The following CBFA2T2 variants were observed in gnomAD, a reference collection of about 807,000 sequenced individuals.
The protein encoded by CBFA2T2 is protein CBFA2T2.
In CBFA2T2, 11 loss-of-function variants were observed where a neutral mutation model predicts 62.2. The observed-to-expected ratio is 0.18, with a 90% CI of 0.11 to 0.29. The LOEUF is 0.29. Among genes scored for constraint, CBFA2T2 ranks in the 10% least tolerant of loss-of-function variants. The pLI is 1.00. For synonymous variants in CBFA2T2, 295 were observed against 287.5 expected (o/e 1.03, Z -0.27); for missense variants, 592 against 774.1 (o/e 0.76, Z 2.79).
intron 2 of CBFA2T2, among the ~76,000 whole-genome samples, chr20:33,609,468 C>T (rs989068868): frequency 6.6e-6 from 1 of 152,016 alleles, no homozygotes; most frequent in African/African-American, 2.4e-5. Flanking sequence ...AACCACTGCA[C>T]TCCAGCCTGG....
chr20:33,572,559 C>T (rs1160526983), intron 1 of CBFA2T2, among the ~76,000 whole-genome samples: 1 of 152,086 alleles, frequency 6.6e-6, no homozygotes, highest in East Asian at 1.9e-4. Context: ...GAGCTGTGTG[C>T]TGAATAACAA....
intron 1 of CBFA2T2, among the ~76,000 whole-genome samples, chr20:33,490,614 A>G (rs751127328): frequency 6.6e-6 from 1 of 152,180 alleles, no homozygotes; most frequent in African/African-American, 2.4e-5. Flanking sequence ...TTGTTGTCCC[A>G]GCGCTGGGGC....
At chr20:33,507,718 A>C (rs2011428271) in intron 1 of CBFA2T2, among the ~76,000 whole-genome samples, 1 of 151,998 alleles carries the variant, frequency 6.6e-6, no homozygotes, top group South Asian at 2.1e-4. Context: ...TTTCCCCCCT[A>C]CTGCTGATGG....
chr20:33,574,394 G>A lies in CBFA2T2; in HGVS notation c.35-32562G>A, dbSNP rs1038784766. On this transcript the variant is annotated intron_variant, in intron 1 of 10. Coordinates refer to ENST00000342704, the MANE Select transcript of CBFA2T2 (RefSeq NM_001032999.3). The stretch of plus-strand genomic sequence containing the variant: ...TAATCCCAGCACTTTGGGAGGCCAA[G>A]GCGGGTGGATCACCTGAGGTTGGGA... 5 of 679,230 alleles carry A rather than the reference G, an allele frequency of 7.4e-6. No individual in the cohort carries two copies. In the African/African-American group the frequency reaches 7.4e-5, roughly 10 times the overall value. 42.1% of individuals were successfully genotyped at this position (679,230 alleles called of 1,614,324 possible).
intron 6 of CBFA2T2, among the ~76,000 whole-genome samples, chr20:33,626,819 A>G (rs2016249519): frequency 2.0e-5 from 3 of 152,206 alleles, no homozygotes; most frequent in Admixed American, 1.3e-4. Context: ...TGTAGCAGCC[A>G]TGGTGTTCTC....
chr20:33,575,489 G>A (rs891890313), intron 1 of CBFA2T2, among the ~76,000 whole-genome samples: 3 of 152,102 alleles, frequency 2.0e-5, no homozygotes, highest in African/African-American at 7.2e-5. Context: ...CTCTGGCGTT[G>A]GTCCCTGGCA....
chr20:33,492,121 A>C (rs1600890751), intron 1 of CBFA2T2, among the ~76,000 whole-genome samples: 1 of 151,942 alleles, frequency 6.6e-6, no homozygotes, highest in East Asian at 1.9e-4. Context: ...AACTCAGGGG[A>C]TCCATCTGCC....
In CBFA2T2 at chr20:33,490,110, C is replaced by A. The variant is rs187449369; in HGVS notation, c.-158C>A. On this transcript the variant is annotated 5_prime_UTR_variant, in exon 1 of 11. Transcript: ENST00000342704. ...CTAACGGCGGCGGCGGCGGCGGCGA[C>A]GGCGACAGCAGCGGTGGTGGTGTCT... is the stretch of plus-strand genomic sequence containing the variant. The A allele has an allele frequency of 0.24, 165,817 of 692,802 alleles. 21,868 individuals are homozygous for A. Among genetic ancestry groups the A allele is most frequent in the East Asian group, 0.31 (6,126 of 19,562 alleles). 42.9% of individuals were successfully genotyped at this position (692,802 alleles called of 1,614,324 possible). A position where few individuals can be genotyped will look rare whatever the true frequency, so the allele number is the denominator to read the frequency against.
At chr20:33,502,544 C>T (rs1391513918) in intron 1 of CBFA2T2, among the ~76,000 whole-genome samples, 2 of 151,900 alleles carry the variant, frequency 1.3e-5, no homozygotes, top group Non-Finnish European at 2.9e-5. Context: ...GCTGGGACCA[C>T]AGGCGCCCGC....
intron 1 of CBFA2T2, among the ~76,000 whole-genome samples, chr20:33,580,864 A>C (rs2014080259): frequency 6.6e-6 from 1 of 152,048 alleles, no homozygotes; most frequent in Non-Finnish European, 1.5e-5. Flanking sequence ...TTATTTATTT[A>C]TTTATTTTTA....
At chr20:33,573,663 A>G (rs904220044) in intron 1 of CBFA2T2, among the ~76,000 whole-genome samples, 14 of 151,692 alleles carry the variant, frequency 9.2e-5, no homozygotes, top group African/African-American at 3.4e-4. Flanking sequence ...TATATTTTTA[A>G]TAGAGATAGG....
intron 1 of CBFA2T2, among the ~76,000 whole-genome samples, chr20:33,548,330 G>A (rs1413725192): frequency 1.3e-5 from 2 of 151,104 alleles, no homozygotes; most frequent in Admixed American, 1.3e-4. Context: ...TGCAACCTCT[G>A]CCTCCCAGGT....
chr20:33,492,008 G>C (rs577683005), intron 1 of CBFA2T2, among the ~76,000 whole-genome samples: 80 of 152,052 alleles, frequency 5.3e-4, no homozygotes, highest in Non-Finnish European at 1.0e-3. Flanking sequence ...TCAGCCTCCA[G>C]AGTAGCTGCG....
At chr20:33,634,256 T>G (rs972808227) in intron 8 of CBFA2T2, among the ~76,000 whole-genome samples, 1 of 152,168 alleles carries the variant, frequency 6.6e-6, no homozygotes, top group Admixed American at 6.5e-5. Flanking sequence ...CATGAGCCAC[T>G]GCATCTGGCC....
At chr20:33,534,898 T>TATA (rs796378520) in intron 1 of CBFA2T2, among the ~76,000 whole-genome samples, 6 of 151,932 alleles carry the variant, frequency 3.9e-5, no homozygotes, top group African/African-American at 1.4e-4. Flanking sequence ...CCATAACAGA[T>TATA]ATAATAATAA....
chr20:33,584,721 C>T (rs2014289922), intron 1 of CBFA2T2, among the ~76,000 whole-genome samples: 1 of 151,992 alleles, frequency 6.6e-6, no homozygotes, highest in Non-Finnish European at 1.5e-5. Context: ...AAATGGTGTG[C>T]AGTTTAGAAC....
intron 3 of CBFA2T2, among the ~76,000 whole-genome samples, chr20:33,617,821 GT>G (rs1430685938): frequency 1.3e-5 from 2 of 152,092 alleles, no homozygotes; most frequent in Non-Finnish European, 2.9e-5. Context: ...CCTTTAATAT[GT>G]TTAAATTGGA....
In CBFA2T2 at chr20:33,628,241, T is replaced by G. The variant is rs1033213439; in HGVS notation, c.947-109T>G. On this transcript the variant is annotated intron_variant, in intron 6 of 10. Transcript: ENST00000342704. ...CCCCACCCCATTGTGAATCATTGCC[T>G]TAGTAGTGTGATCAAAGTTATTATG... 63 of 756,974 alleles carry G rather than the reference T, an allele frequency of 8.3e-5. 1 individual carries two copies. Among genetic ancestry groups the G allele is most frequent in the Non-Finnish European group, 1.3e-4 (57 of 423,852 alleles). The allele number at this position is 756,974 out of a possible 1,614,324, so 46.9% of individuals were successfully genotyped here.
At chr20:33,495,927 C>G (rs2011195028) in intron 1 of CBFA2T2, among the ~76,000 whole-genome samples, 1 of 152,188 alleles carries the variant, frequency 6.6e-6, no homozygotes, top group South Asian at 2.1e-4. Flanking sequence ...ATGTAAAGTA[C>G]TTAAAACCGT....
Sources: gnomAD v4.1 joint callset for allele counts (sites outside exome capture counted in the v4.1 genomes callset) on GRCh38, gnomAD v4.1.1 for gene constraint, MANE v1.5 for transcripts, NCBI Gene and HGNC (gene_info 2026-07-23, HGNC 2026-07-21) for gene names.